CCDC73: variants seen among roughly 807,000 people sequenced by gnomAD.
CCDC73 encodes the protein coiled-coil domain containing 73, also known as coiled-coil domain-containing protein 73.
CCDC73 carries 95 observed loss-of-function variants against 116.5 expected under a neutral mutation model. That is an observed-to-expected ratio of 0.82 (90% CI 0.69 to 0.97). The LOEUF (loss-of-function observed/expected upper bound fraction) is 0.97, where lower values mean the gene tolerates loss of function less well. Ranked by LOEUF, CCDC73 falls within the 50% of genes least tolerant of loss-of-function variation. The pLI is 0.00. For synonymous variants in CCDC73, 398 were observed against 401.3 expected (o/e 0.99, Z 0.10); for missense variants, 1,066 against 1,206.8 (o/e 0.88, Z 1.73).
intron 4 of CCDC73, 40 bp from the exon 5 acceptor site, chr11:32,700,866 G>GCT (rs772801532): frequency 8.9e-7 from 1 of 1,121,156 alleles, no homozygotes; most frequent in South Asian, 1.5e-5. Context: ...AGGGATCACT[G>GCT]TTAACAGTGA....
At chr11:32,766,414 C>A (rs939726137) in intron 1 of CCDC73, among the ~76,000 whole-genome samples, 4 of 152,196 alleles carry the variant, frequency 2.6e-5, no homozygotes, top group African/African-American at 9.7e-5. Context: ...AGGATGCCCT[C>A]TCTCACCACT....
At chr11:32,611,079 T>C in intron 17 of CCDC73, 53 bp downstream of exon 17, 1 of 1,582,232 alleles carries the variant, frequency 6.3e-7, no homozygotes, top group Non-Finnish European at 8.6e-7. Flanking sequence ...TCTACACATA[T>C]CTGTAGAATT....
At chr11:32,619,331 A>G (rs1042543126) in intron 14 of CCDC73, among the ~76,000 whole-genome samples, 3 of 152,204 alleles carry the variant, frequency 2.0e-5, no homozygotes, top group Non-Finnish European at 4.4e-5. Flanking sequence ...AATAAATGCT[A>G]TAAATGTAGA....
chr11:32,737,882 C>T (rs555857950), intron 2 of CCDC73, among the ~76,000 whole-genome samples: 6 of 152,038 alleles, frequency 3.9e-5, no homozygotes, highest in Non-Finnish European at 8.8e-5. Context: ...TCATTCTACT[C>T]TCTATCTCCA....
chr11:32,677,236 C>T (rs1254724569), intron 7 of CCDC73, among the ~76,000 whole-genome samples: 1 of 152,174 alleles, frequency 6.6e-6, no homozygotes, highest in African/African-American at 2.4e-5. Flanking sequence ...TAGCCAGCAT[C>T]CATTTCCCTT....
the CCDC73 span, among the ~76,000 whole-genome samples, chr11:32,805,065 A>G: frequency 2.0e-5 from 3 of 152,228 alleles, no homozygotes; most frequent in African/African-American, 4.8e-5. Flanking sequence ...CTCTGCAATC[A>G]TTGATACACT....
At chr11:32,633,270 G>A (rs527863494) in intron 14 of CCDC73, among the ~76,000 whole-genome samples, 1 of 149,338 alleles carries the variant, frequency 6.7e-6, no homozygotes, top group East Asian at 1.9e-4. Flanking sequence ...GACAAACAGA[G>A]AGCGAGAGAG....
chr11:32,645,608 TAGG>T (rs1855771875), intron 12 of CCDC73, among the ~76,000 whole-genome samples: 1 of 151,860 alleles, frequency 6.6e-6, no homozygotes, highest in Non-Finnish European at 1.5e-5. Context: ...TTTTAATAAA[TAGG>T]AGGAGTAAAC....
chr11:32,758,951 A>G (rs2133375772), intron 2 of CCDC73, among the ~76,000 whole-genome samples: 1 of 152,262 alleles, frequency 6.6e-6, no homozygotes, highest in South Asian at 2.1e-4. Flanking sequence ...ACACTGTGGT[A>G]TTTAAATTTT....
chr11:32,682,103 C>T (rs1254617448), intron 7 of CCDC73: 1 of 151,564 alleles, frequency 6.6e-6, no homozygotes, highest in Non-Finnish European at 1.5e-5. Context: ...TAAGTATATA[C>T]ATGTTTCCAT....
intron 13 of CCDC73, among the ~76,000 whole-genome samples, chr11:32,639,049 G>C (rs1855707383): frequency 6.6e-6 from 1 of 151,450 alleles, no homozygotes; most frequent in South Asian, 2.1e-4. Context: ...TCGGGAGGCT[G>C]AGGCAGGAGA....
At chr11:32,747,943 C>G (rs572637367) in intron 2 of CCDC73, among the ~76,000 whole-genome samples, 1 of 152,136 alleles carries the variant, frequency 6.6e-6, no homozygotes, top group African/African-American at 2.4e-5. Flanking sequence ...TCGCCCTCCA[C>G]GGGCTGCACC....
intron 2 of CCDC73, among the ~76,000 whole-genome samples, chr11:32,754,125 G>C (rs1488918981): frequency 6.6e-6 from 1 of 152,026 alleles, no homozygotes; most frequent in East Asian, 1.9e-4. Context: ...AATGTTATTG[G>C]CTATTCTCAT....
intron 14 of CCDC73, among the ~76,000 whole-genome samples, chr11:32,623,413 T>C (rs940398389): frequency 2.0e-5 from 3 of 152,130 alleles, no homozygotes; most frequent in African/African-American, 7.2e-5. Flanking sequence ...CTGGAGTGCA[T>C]TGGTGTGATC....
chr11:32,724,155 T>C (rs1263668090), intron 2 of CCDC73, among the ~76,000 whole-genome samples: 1 of 152,130 alleles, frequency 6.6e-6, no homozygotes, highest in East Asian at 1.9e-4. Context: ...AAATGCTGCT[T>C]AATGTTATTT....
chr11:32,703,168 C>T (rs971573970), intron 3 of CCDC73, among the ~76,000 whole-genome samples: 1 of 152,126 alleles, frequency 6.6e-6, no homozygotes, highest in Non-Finnish European at 1.5e-5. Context: ...CACACTGCAG[C>T]CTCAACCTTC....
At chr11:32,819,338 C>T in the CCDC73 span, among the ~76,000 whole-genome samples, 3 of 151,886 alleles carry the variant, frequency 2.0e-5, no homozygotes, top group Non-Finnish European at 4.4e-5. Context: ...CAAATAAAAA[C>T]AAGAGTTTCC....
chr11:32,689,433 G>A (rs187687140), intron 6 of CCDC73, among the ~76,000 whole-genome samples: 13 of 152,082 alleles, frequency 8.5e-5, no homozygotes, highest in Admixed American at 4.6e-4. Context: ...TACAATGAAG[G>A]AGCATTAGCT....
At chr11:32,703,877 CATT>C (rs1849833341) in intron 3 of CCDC73, among the ~76,000 whole-genome samples, 1 of 152,188 alleles carries the variant, frequency 6.6e-6, no homozygotes, top group African/African-American at 2.4e-5. Flanking sequence ...TAATTCTCAT[CATT>C]TAAAAATTAA....
Sources: gnomAD v4.1 joint callset for allele counts (sites outside exome capture counted in the v4.1 genomes callset) on GRCh38, gnomAD v4.1.1 for gene constraint, MANE v1.5 for transcripts, NCBI Gene and HGNC (gene_info 2026-07-23, HGNC 2026-07-21) for gene names.